DNHD1: variants seen among roughly 807,000 people sequenced by gnomAD.
DNHD1 encodes the protein dynein heavy chain domain 1.
In DNHD1, 383 loss-of-function variants were observed where a neutral mutation model predicts 458.1. The observed-to-expected ratio is 0.84, with a 90% CI of 0.77 to 0.91. The LOEUF is 0.91. DNHD1 is among the 40% of genes least tolerant of loss of function. The pLI is 0.00. For synonymous variants in DNHD1, 2,203 were observed against 2,376.9 expected (o/e 0.93, Z 2.13); for missense variants, 5,336 against 5,866.1 (o/e 0.91, Z 2.95).
rs778260437 is a variant in DNHD1 at position 6,546,217 on chromosome 11, C to G, written c.5278C>G (p.His1760Asp). ...CCTGGGCCAGCGCCTGGGTGAACTG[C>G]ACCACTTGTATGCCCCACTGTACCA... ...SALGQRLGEL[H>D]HLYAPLYQEA... is the part of the protein sequence containing the mutation. The change falls in exon 21 of 43, where the codon CAC (histidine) becomes GAC (aspartate). Residue 1760 changes from histidine (H) to aspartate (D), a missense_variant. Physicochemically the swap from His to Asp is moderately conservative, Grantham distance 81 (BLOSUM62 -1). Transcript: ENST00000254579. The G allele has an allele frequency of 6.4e-7, 1 of 1,551,558 alleles. No homozygotes were observed. Among genetic ancestry groups the G allele is most frequent in the South Asian group, 1.2e-5 (1 of 83,970 alleles).
At chr11:6,558,863 C>A (rs1295529947) in intron 26 of DNHD1, 39 bp from the exon 27 acceptor site, 4 of 1,546,982 alleles carry the variant, frequency 2.6e-6, no homozygotes, top group East Asian at 2.4e-5. Flanking sequence ...TGTTTTCCTA[C>A]AAGCTCACAG....
chr11:6,549,494 T>C (rs1023088853), intron 24 of DNHD1, among the ~76,000 whole-genome samples: 1 of 152,248 alleles, frequency 6.6e-6, no homozygotes, highest in Non-Finnish European at 1.5e-5. Context: ...TTCTGTGTCC[T>C]CTTACACTCT....
At position 6,567,066 on chromosome 11, in the gene DNHD1, G is replaced by A. The variant is rs1455516379; in HGVS notation, c.11557G>A (p.Val3853Met). Residue 3853 changes from valine to methionine, a missense_variant, in exon 36 of 43, where the codon GTG becomes ATG. By Grantham distance (21) the Val-to-Met change is conservative. This residue lies in a region of DNHD1 where 695 missense variants were observed against 804.2 expected (regional missense o/e 0.86). Coordinates refer to ENST00000254579, the MANE Select transcript of DNHD1 (RefSeq NM_144666.3). Reference protein sequence around the residue: ...EMVLWAPYRPVVWHGMAMVKA... With the variant: ...EMVLWAPYRPMVWHGMAMVKA... ...GGTATTGTGGGCACCCTATCGACCT[G>A]TGGTTTGGCATGGAATGGCCATGGT... 1.9e-6 allele frequency: 3 copies of A among 1,614,034 alleles called. No individual in the cohort carries two copies. The highest frequency in any genetic ancestry group is 1.7e-5 in the Admixed American group (1 of 60,030).
chr11:6,564,225 TCCTTGCCGTACTTTCCTCCACACCCCA>T (rs1291727761), intron 31 of DNHD1, 81 bp from the exon 32 acceptor site: 2 of 1,460,850 alleles, frequency 1.4e-6, no homozygotes, highest in African/African-American at 2.8e-5. Context: ...CTCTCTGCAC[TCCTTGCCGTACTTTCCTCCACACCCCA>T]CCTTGCCCTC....
In DNHD1 at chr11:6,497,963, G is replaced by C. The variant is rs977899176; in HGVS notation, c.-253G>C. 1.8e-6 allele frequency: 1 copy of C among 544,914 alleles called. No homozygotes were observed. Among genetic ancestry groups the C allele is most frequent in the African/African-American group, 1.9e-5 (1 of 52,880 alleles). 33.8% of individuals were successfully genotyped at this position (544,914 alleles called of 1,614,324 possible). A position where few individuals can be genotyped will look rare whatever the true frequency, so the allele number is the denominator to read the frequency against. On this transcript the variant is annotated 5_prime_UTR_variant, in exon 3 of 43. Coordinates refer to ENST00000254579, the MANE Select transcript of DNHD1 (RefSeq NM_144666.3). ...GGGGAAGCAGTAGGGAGGGCCTGAG[G>C]GTCTCAGGAAAGGCTCTCTGCTGGT...
chr11:6,556,617 G>A (rs928096096), intron 24 of DNHD1, 66 bp from the exon 25 acceptor site: 5 of 1,423,498 alleles, frequency 3.5e-6, no homozygotes, highest in African/African-American at 2.9e-5. Flanking sequence ...CAGGAATAGA[G>A]GGAACAGGTT....
At chr11:6,542,557 C>G (rs1197858709) in intron 18 of DNHD1, among the ~76,000 whole-genome samples, 1 of 152,228 alleles carries the variant, frequency 6.6e-6, no homozygotes, top group African/African-American at 2.4e-5. Context: ...TATGGGTTCT[C>G]TCCTTTCTCT....
chr11:6,543,271 T>A (rs1320392539), intron 18 of DNHD1, among the ~76,000 whole-genome samples: 2 of 152,186 alleles, frequency 1.3e-5, no homozygotes, highest in Non-Finnish European at 2.9e-5. Context: ...CCAATTAGTG[T>A]CCCTACCTCA....
In DNHD1 at chr11:6,519,611, C is replaced by T. The variant is rs991772133; in HGVS notation, c.1404C>T (p.Asp468=). ...CTSILRLVHE[D]TYHMQQCLQE... ...CTCTATGCTCACAGGTTCACGAGGA[C>T]ACATACCACATGCAACAGTGCCTAC... The change falls in exon 8 of 43, where the codon GAC becomes GAT. Residue 468 remains aspartate, a synonymous_variant. Transcript: ENST00000254579. The T allele has an allele frequency of 6.2e-7, 1 of 1,614,124 alleles. No individual in the cohort carries two copies. The highest frequency in any genetic ancestry group is 1.7e-5 in the Admixed American group (1 of 60,014).
Position 6,533,823 on chromosome 11 carries a change from G to A in DNHD1, c.2648G>A (p.Gly883Glu). The change falls in exon 14 of 43, where the codon GGG becomes GAG. Residue 883 changes from glycine (G) to glutamate (E), a missense_variant. Coordinates refer to ENST00000254579, the MANE Select transcript of DNHD1 (RefSeq NM_144666.3). ...ALDISVRRQF[G>E]ESPIPPCPPP... ...GACATCTCGGTGAGAAGGCAATTCG[G>A]GGAGTCACCCATCCCTCCCTGCCCT... is the stretch of plus-strand genomic sequence containing the variant. 2 of 1,550,962 alleles carry A rather than the reference G, an allele frequency of 1.3e-6. No homozygotes were observed. Among genetic ancestry groups the A allele is most frequent in the Non-Finnish European group, 1.7e-6 (2 of 1,146,814 alleles).
chr11:6,552,934 T>G (rs1432422736), intron 24 of DNHD1, among the ~76,000 whole-genome samples: 2 of 152,178 alleles, frequency 1.3e-5, no homozygotes, highest in Admixed American at 6.5e-5. Flanking sequence ...GAATGCATAA[T>G]AAATGTTTCC....
At chr11:6,517,267 C>T (rs1852494102) in intron 7 of DNHD1, among the ~76,000 whole-genome samples, 5 of 152,236 alleles carry the variant, frequency 3.3e-5, no homozygotes. Flanking sequence ...CATCACCACA[C>T]AGGCTGTACA....
Position 6,547,091 on chromosome 11 carries a change from A to C in DNHD1, c.6152A>C (p.His2051Pro). 4 of 1,551,734 alleles carry C rather than the reference A, an allele frequency of 2.6e-6. No individual in the cohort carries two copies. The South Asian group carries it at 3.6e-5, about 14-fold the overall frequency. The change falls in exon 21 of 43, where the codon CAT (histidine) becomes CCT (proline). Residue 2051 changes from histidine (H) to proline (P), a missense_variant. By Grantham distance (77) the His-to-Pro change is moderately conservative (BLOSUM62 -2). Around this residue, in one of 4 missense-constraint regions of DNHD1, gnomAD observed 3,932 missense variants for 4,365.6 expected, o/e 0.90. Coordinates refer to ENST00000254579, the MANE Select transcript of DNHD1 (RefSeq NM_144666.3). Reference protein sequence around the residue: ...FLGWLEGSCWHHGIFPKVLRA... With the variant: ...FLGWLEGSCWPHGIFPKVLRA... ...GGATGGCTAGAGGGCTCCTGCTGGC[A>C]TCATGGCATCTTTCCCAAGGTACTT...
chr11:6,547,615 A>G lies in DNHD1; in HGVS notation c.6676A>G (p.Ser2226Gly), dbSNP rs754955872. ...TACCAGCATGGCACGCATCTTGCATAGTCTGCTTGACCTCCACCTTCGCCT... is the reference window on the plus strand; with the variant it reads ...TACCAGCATGGCACGCATCTTGCATGGTCTGCTTGACCTCCACCTTCGCCT... ...EVTSMARILHSLLDLHLRLKE... is the reference protein window; with the variant it reads ...EVTSMARILHGLLDLHLRLKE... Residue 2226 changes from serine to glycine, a missense_variant, in exon 21 of 43, where the codon AGT becomes GGT. Physicochemically the swap from Ser to Gly is moderately conservative, Grantham distance 56 (BLOSUM62 0). Coordinates refer to ENST00000254579, the MANE Select transcript of DNHD1 (RefSeq NM_144666.3). The G allele has an allele frequency of 1.9e-6, 3 of 1,541,264 alleles. No homozygotes were observed. In the African/African-American group the frequency reaches 4.1e-5, roughly 21 times the overall value.
chr11:6,540,219 T>A, intron 18 of DNHD1, 136 bp downstream of exon 18: 1 of 737,290 alleles, frequency 1.4e-6, no homozygotes, highest in South Asian at 1.8e-5. Context: ...GACATTAGTC[T>A]GTTCTGAGAC....
chr11:6,497,919 G>T lies in DNHD1; in HGVS notation c.-297G>T. Reference sequence around the variant, plus strand: ...GGGCTCTCACGTCTGTCTTAGGCCTGCTCCTTACCAGAGTCTTTGGGGAAG... The same window carrying T: ...GGGCTCTCACGTCTGTCTTAGGCCTTCTCCTTACCAGAGTCTTTGGGGAAG... On this transcript the variant is annotated 5_prime_UTR_variant, in exon 3 of 43. Coordinates refer to ENST00000254579, the MANE Select transcript of DNHD1 (RefSeq NM_144666.3). 2.2e-6 allele frequency: 1 copy of T among 455,592 alleles called. No individual in the cohort carries two copies. The highest frequency in any genetic ancestry group is 4.0e-6 in the Non-Finnish European group (1 of 249,208). 28.2% of individuals were successfully genotyped at this position (455,592 alleles called of 1,614,324 possible). A position where few individuals can be genotyped will look rare whatever the true frequency, so the allele number is the denominator to read the frequency against.
Position 6,544,155 on chromosome 11 carries a change from T to C in DNHD1, c.3663T>C (p.Ser1221=), listed in dbSNP as rs1853157330. 1 of 1,551,416 alleles carries C rather than the reference T, an allele frequency of 6.4e-7. No homozygotes were observed. Among genetic ancestry groups the C allele is most frequent in the Non-Finnish European group, 8.7e-7 (1 of 1,146,934 alleles). ...ACCTGCAGGATTCCATCCAGGAAAG[T>C]CTTCAGGTGTTGTCCAAGATCTTGG... is the stretch of plus-strand genomic sequence containing the variant. ...YSNLQDSIQE[S]LQVLSKILAI... is the part of the protein sequence containing the mutation. The change falls in exon 19 of 43, where the codon AGT becomes AGC. Residue 1221 remains serine (S), a synonymous_variant. Transcript: ENST00000254579.
chr11:6,547,879 T>C lies in DNHD1; in HGVS notation c.6744T>C (p.Ser2248=), dbSNP rs1444291866. 6.4e-7 allele frequency: 1 copy of C among 1,551,684 alleles called. No individual in the cohort carries two copies. Among genetic ancestry groups the C allele is most frequent in the Non-Finnish European group, 8.7e-7 (1 of 1,147,034 alleles). ...KAPGPEDLSY[S]DPVAQSFRSS... is the part of the protein sequence containing the mutation. ...CTTTCACAGAGGACCTCAGCTATAGTGATCCTGTGGCCCAAAGCTTCAGGT... is the reference window on the plus strand; with the variant it reads ...CTTTCACAGAGGACCTCAGCTATAGCGATCCTGTGGCCCAAAGCTTCAGGT... Residue 2248 remains serine (S), a synonymous_variant, in exon 22 of 43, where the codon AGT becomes AGC. Transcript: ENST00000254579.
At chr11:6,512,243 C>T (rs1251522826) in intron 7 of DNHD1, among the ~76,000 whole-genome samples, 71 of 78,622 alleles carry the variant, frequency 9.0e-4, no homozygotes, top group African/African-American at 3.8e-3. Context: ...TTTTTTGAGA[C>T]GGAGTCTCGC....
Sources: gnomAD v4.1 joint callset for allele counts (sites outside exome capture counted in the v4.1 genomes callset) on GRCh38, gnomAD v4.1.1 for gene constraint, gnomAD v4.1.1 regional missense constraint, MANE v1.5 for transcripts, NCBI Gene and HGNC (gene_info 2026-07-23, HGNC 2026-07-21) for gene names.